The following SYN3 variants were observed in gnomAD, a reference collection of about 807,000 sequenced individuals.
The protein encoded by SYN3 is synapsin III.
Under a neutral mutation model 65.8 loss-of-function variants are expected in SYN3, and 35 were observed. The observed-to-expected ratio is 0.53, with a 90% CI of 0.41 to 0.70. The LOEUF (loss-of-function observed/expected upper bound fraction) is 0.70. SYN3 is among the 30% of genes least tolerant of loss of function. The probability of loss-of-function intolerance (pLI) is 0.00; values close to 1 mark genes in which losing one functional copy is unlikely to be tolerated. For synonymous variants in SYN3, 270 were observed against 292.9 expected (o/e 0.92, Z 0.80); for missense variants, 680 against 749.0 (o/e 0.91, Z 1.08).
rs566355911 is a variant in SYN3, at chr22:32,973,964, T to C, written c.369+6681A>G. ...TCACCACGCCTGGCTGATTTTTGTA[T>C]TTTTAGTAGAAACAGGGTTTCGCCA... On this transcript the variant is annotated intron_variant, in intron 3 of 13. Transcript: ENST00000358763. 5.3e-5 allele frequency among the ~76,000 whole-genome samples: 8 copies of C among 152,118 alleles called. 1 individual carries two copies. The highest frequency in any genetic ancestry group is 3.9e-4 in the East Asian group (2 of 5,172).
At chr22:32,520,228 C>T (rs2057855350) in intron 12 of SYN3, among the ~76,000 whole-genome samples, 1 of 152,078 alleles carries the variant, frequency 6.6e-6, no homozygotes, top group Non-Finnish European at 1.5e-5. Context: ...GCAGTGAACC[C>T]CTGGGCTGAA....
chr22:33,008,778 A>C (rs569069865), intron 1 of SYN3, among the ~76,000 whole-genome samples: 1 of 151,834 alleles, frequency 6.6e-6, no homozygotes, highest in African/African-American at 2.4e-5. Flanking sequence ...TTTTTTAAAA[A>C]GCTGGGTGTG....
chr22:32,601,928 GCT>G (rs1165836012), intron 6 of SYN3, among the ~76,000 whole-genome samples: 1 of 151,056 alleles, frequency 6.6e-6, no homozygotes, highest in African/African-American at 2.4e-5. Flanking sequence ...CACTCCCAGA[GCT>G]TTTCTTTTCT....
chr22:32,805,608 C>G (rs2046710907), intron 6 of SYN3, among the ~76,000 whole-genome samples: 1 of 151,586 alleles, frequency 6.6e-6, no homozygotes. Context: ...TTCCCAAATG[C>G]CATCTCTTTC....
At chr22:32,721,353 C>T (rs1022148451) in intron 6 of SYN3, among the ~76,000 whole-genome samples, 3 of 152,122 alleles carry the variant, frequency 2.0e-5, no homozygotes, top group Non-Finnish European at 2.9e-5. Context: ...GAGTTATTTG[C>T]CCCCTTTCCC....
At chr22:32,994,690 C>T (rs1260699269) in intron 2 of SYN3, among the ~76,000 whole-genome samples, 1 of 152,182 alleles carries the variant, frequency 6.6e-6, no homozygotes, top group Non-Finnish European at 1.5e-5. Flanking sequence ...GGCACCTCAT[C>T]CTCACAGCGG....
chr22:32,936,866 C>T (rs1444970893), intron 3 of SYN3, among the ~76,000 whole-genome samples: 3 of 152,196 alleles, frequency 2.0e-5, no homozygotes, highest in African/African-American at 7.2e-5. Context: ...AGTCCCATGT[C>T]TTGGAAAACT....
At chr22:32,995,381 T>C (rs2052847721) in intron 2 of SYN3, among the ~76,000 whole-genome samples, 1 of 152,232 alleles carries the variant, frequency 6.6e-6, no homozygotes, top group Non-Finnish European at 1.5e-5. Flanking sequence ...TTTTGTAGTA[T>C]AAGTCTCTCC....
intron 6 of SYN3, among the ~76,000 whole-genome samples, chr22:32,671,696 G>C (rs1888367120): frequency 5.2e-5 from 7 of 133,672 alleles, no homozygotes; most frequent in Non-Finnish European, 1.1e-4. Context: ...CACACACGCT[G>C]TCACACAGGT....
chr22:32,990,092 G>A (rs2052651094), intron 2 of SYN3, among the ~76,000 whole-genome samples: 1 of 152,126 alleles, frequency 6.6e-6, no homozygotes, highest in African/African-American at 2.4e-5. Context: ...AGGTGCAAGT[G>A]ACTAACATCT....
At chr22:32,939,937 T>C (rs1350369940) in intron 3 of SYN3, among the ~76,000 whole-genome samples, 1 of 152,198 alleles carries the variant, frequency 6.6e-6, no homozygotes, top group Non-Finnish European at 1.5e-5. Flanking sequence ...TGGAGAATTT[T>C]CCTCAGTGGT....
rs112472264 is a variant in SYN3, at chr22:32,833,024, C to T, written c.711+31891G>A. On this transcript the variant is annotated intron_variant, in intron 6 of 13. Coordinates refer to ENST00000358763, the MANE Select transcript of SYN3 (RefSeq NM_003490.4). ...CTGGGATTACAGGCGTGAGCCACCG[C>T]GCCCAGCAAGATCTACCTTCTTAAC... Among the ~76,000 whole-genome samples, 541 of 152,294 alleles carry T rather than the reference C, an allele frequency of 3.6e-3. 2 individuals are homozygous for T. Among genetic ancestry groups the T allele is most frequent in the African/African-American group, 0.012 (499 of 41,556 alleles).
intron 9 of SYN3, among the ~76,000 whole-genome samples, chr22:32,534,130 TGA>T (rs1055548140): frequency 1.3e-5 from 2 of 150,524 alleles, no homozygotes; most frequent in Non-Finnish European, 3.0e-5. Flanking sequence ...CACATGACAG[TGA>T]GAGAGAGACC....
intron 4 of SYN3, among the ~76,000 whole-genome samples, chr22:32,916,357 CA>C (rs1398565974): frequency 6.6e-6 from 1 of 152,032 alleles, no homozygotes; most frequent in South Asian, 2.1e-4. Context: ...GTTTGTTCCA[CA>C]AAAAAACTTT....
chr22:33,026,906 T>A (rs2145879800), intron 1 of SYN3, among the ~76,000 whole-genome samples: 1 of 152,336 alleles, frequency 6.6e-6, no homozygotes, highest in Admixed American at 6.5e-5. Flanking sequence ...TTTATCCCAT[T>A]AGAAAAGGGC....
intron 6 of SYN3, among the ~76,000 whole-genome samples, chr22:32,762,706 G>T (rs983757749): frequency 1.3e-5 from 2 of 152,206 alleles, no homozygotes; most frequent in Admixed American, 6.5e-5. Flanking sequence ...GAGGTGGGGC[G>T]GGCGCCCTTG....
chr22:33,041,235 C>T (rs2145934403), intron 1 of SYN3, among the ~76,000 whole-genome samples: 1 of 150,824 alleles, frequency 6.6e-6, no homozygotes, highest in Non-Finnish European at 1.5e-5. Context: ...CCTTTATTAG[C>T]AGCATGACAG....
intron 6 of SYN3, among the ~76,000 whole-genome samples, chr22:32,726,136 C>G (rs1217869572): frequency 7.3e-6 from 1 of 136,682 alleles, no homozygotes; most frequent in Non-Finnish European, 1.5e-5. Context: ...AACTAGTAAT[C>G]CAGTATAGAT....
intron 2 of SYN3, among the ~76,000 whole-genome samples, chr22:32,990,612 C>T (rs1216632930): frequency 6.6e-6 from 1 of 152,194 alleles, no homozygotes; most frequent in African/African-American, 2.4e-5. Context: ...CTGGTTTTTA[C>T]TGTCTAGCCA....
Sources: allele counts gnomAD v4.1 joint callset (sites outside exome capture counted in the v4.1 genomes callset), GRCh38; gene constraint gnomAD v4.1.1; transcripts MANE v1.5; gene names NCBI Gene and HGNC (gene_info 2026-07-23, HGNC 2026-07-21).